The following SNTG1 variants were observed in gnomAD, a reference collection of about 807,000 sequenced individuals.
The protein encoded by SNTG1 is gamma-1-syntrophin.
A neutral mutation model predicts 74.7 loss-of-function variants in SNTG1; 39 were observed. The observed-to-expected ratio is 0.52, with a 90% CI of 0.40 to 0.68. SNTG1 has a LOEUF of 0.68. Among genes scored for constraint, SNTG1 ranks in the 30% least tolerant of loss-of-function variants. SNTG1 has a pLI of 0.00. For synonymous variants in SNTG1, 254 were observed against 217.1 expected (o/e 1.17, Z -1.49); for missense variants, 685 against 609.5 (o/e 1.12, Z -1.30).
chr8:50,606,121 A>G lies in SNTG1; in HGVS notation c.849+15204A>G, dbSNP rs147375089. ...GTTGTTGTGTCCTTGTTTTTATTCG[A>G]AGTAATTTTGTCTACTCTGGAATCT... is the stretch of plus-strand genomic sequence containing the variant. On this transcript the variant is annotated intron_variant, in intron 13 of 18. Coordinates refer to ENST00000642720, the MANE Select transcript of SNTG1 (RefSeq NM_018967.5). 4.8e-3 allele frequency among the ~76,000 whole-genome samples: 730 copies of G among 152,086 alleles called. 7 individuals are homozygous for G. The highest frequency in any genetic ancestry group is 0.017 in the African/African-American group (687 of 41,494).
chr8:50,156,497 ACTGATCAATATATGG>A (rs530702022), intron 1 of SNTG1, among the ~76,000 whole-genome samples: 15 of 152,082 alleles, frequency 9.9e-5, no homozygotes, highest in Non-Finnish European at 2.1e-4. Context: ...CAATATATGC[ACTGATCAATATATGG>A]CTGATATATA....
chr8:50,070,116 A>T (rs1821236106), intron 1 of SNTG1, among the ~76,000 whole-genome samples: 1 of 152,198 alleles, frequency 6.6e-6, no homozygotes, highest in African/African-American at 2.4e-5. Flanking sequence ...AATCATTACA[A>T]TAGTTAATAA....
At chr8:50,211,620 T>C (rs894066751) in intron 2 of SNTG1, among the ~76,000 whole-genome samples, 8 of 152,130 alleles carry the variant, frequency 5.3e-5, no homozygotes, top group Non-Finnish European at 8.8e-5. Context: ...TACTTCTCAA[T>C]TAAAACAATT....
At chr8:50,363,404 A>G (rs1200320490) in intron 2 of SNTG1, among the ~76,000 whole-genome samples, 2 of 152,164 alleles carry the variant, frequency 1.3e-5, no homozygotes, top group Non-Finnish European at 2.9e-5. Context: ...GAGCGGGGTT[A>G]GAGCCTGCAA....
rs553053471 is a variant in SNTG1 at position 50,172,931 on chromosome 8, C to T, written c.-28+296C>T. Among the ~76,000 whole-genome samples the T allele has an allele frequency of 4.0e-5, 6 of 150,478 alleles. No homozygotes were observed. In the South Asian group the frequency reaches 1.3e-3, roughly 32 times the overall value. ...ATTTGTGTTGTTTCTTTAATAAGCA[C>T]TATTTATAGGAATGAGAAAAATCAT... On this transcript the variant is annotated intron_variant, in intron 2 of 18. Coordinates refer to ENST00000642720, the MANE Select transcript of SNTG1 (RefSeq NM_018967.5).
chr8:50,475,898 C>T (rs188888103), intron 8 of SNTG1, among the ~76,000 whole-genome samples: 105 of 152,244 alleles, frequency 6.9e-4, no homozygotes, highest in Admixed American at 1.2e-3. Flanking sequence ...CCTCCTTACC[C>T]ATGGTCAACG....
intron 2 of SNTG1, among the ~76,000 whole-genome samples, chr8:50,256,785 CGTGTGTGTGT>C (rs66472803): frequency 6.6e-6 from 1 of 150,748 alleles, no homozygotes; most frequent in Non-Finnish European, 1.5e-5. Context: ...GGTGTGTGTG[CGTGTGTGTGT>C]GTGTGTGTCT....
intron 2 of SNTG1, among the ~76,000 whole-genome samples, chr8:50,373,710 A>G (rs1427210430): frequency 6.6e-6 from 1 of 152,210 alleles, no homozygotes; most frequent in Non-Finnish European, 1.5e-5. Flanking sequence ...ATATTTGAAG[A>G]TATCAATATA....
At chr8:50,570,989 G>A (rs78156393) in intron 12 of SNTG1, among the ~76,000 whole-genome samples, 5,777 of 151,992 alleles carry the variant, frequency 0.038, 190 homozygotes, top group African/African-American at 0.079. Flanking sequence ...GCGTACAAGC[G>A]TTCCCCTTTC....
intron 9 of SNTG1, among the ~76,000 whole-genome samples, chr8:50,519,132 A>G (rs2094158308): frequency 6.6e-6 from 1 of 152,218 alleles, no homozygotes; most frequent in South Asian, 2.1e-4. Context: ...CATCCCTGGG[A>G]TGCAAGCCTG....
intron 8 of SNTG1, among the ~76,000 whole-genome samples, chr8:50,470,566 TC>T (rs1244152623): frequency 6.6e-6 from 1 of 152,090 alleles, no homozygotes; most frequent in African/African-American, 2.4e-5. Context: ...TGTTTGTTCC[TC>T]CCGGTGGGTT....
Position 50,259,515 on chromosome 8 carries a change from AGAAAGAAAGAAAGAAAG to A in SNTG1, c.-28+86881_-28+86897del, listed in dbSNP as rs2087061399. Among the ~76,000 whole-genome samples the A allele has an allele frequency of 1.9e-3, 73 of 37,438 alleles. 9 individuals are homozygous for A. Among genetic ancestry groups the A allele is most frequent in the Middle Eastern group, 0.013 (1 of 76 alleles). 24.6% of individuals were successfully genotyped at this position (37,438 alleles called of 152,430 possible). On this transcript the variant is annotated intron_variant, in intron 2 of 18. Coordinates refer to ENST00000642720, the MANE Select transcript of SNTG1 (RefSeq NM_018967.5). ...CGCTGTCTCAAAAAAAAAAAAAGAA[AGAAAGAAAGAAAGAAAG>A]AAAGAAAGAAAGAAAGAAAGAAAGA...
chr8:50,263,001 TA>T (rs2130132261), intron 2 of SNTG1, among the ~76,000 whole-genome samples: 1 of 152,288 alleles, frequency 6.6e-6, no homozygotes, highest in African/African-American at 2.4e-5. Context: ...TGTTTAATAT[TA>T]AAATACTCCG....
chr8:50,613,811 T>C (rs2094867726), intron 13 of SNTG1, among the ~76,000 whole-genome samples: 1 of 152,170 alleles, frequency 6.6e-6, no homozygotes, highest in Non-Finnish European at 1.5e-5. Context: ...TTGTCTTCAT[T>C]ATAGGAACGA....
intron 13 of SNTG1, among the ~76,000 whole-genome samples, chr8:50,620,405 A>G (rs1249274566): frequency 1.3e-5 from 2 of 151,922 alleles, no homozygotes; most frequent in Non-Finnish European, 1.5e-5. Flanking sequence ...AGCAGCACAA[A>G]CTCCTTCATC....
At chr8:50,501,335 T>TCCA in intron 8 of SNTG1, among the ~76,000 whole-genome samples, 1 of 151,862 alleles carries the variant, frequency 6.6e-6, no homozygotes. Context: ...CCTTCTGTCT[T>TCCA]TCAGAGTTCT....
intron 1 of SNTG1, among the ~76,000 whole-genome samples, chr8:50,131,340 A>T (rs1168499585): frequency 6.6e-6 from 1 of 152,132 alleles, no homozygotes; most frequent in Admixed American, 6.6e-5. Flanking sequence ...TAATTGAAAA[A>T]TAAAAATTGT....
At chr8:50,617,899 C>T (rs2094896134) in intron 13 of SNTG1, among the ~76,000 whole-genome samples, 1 of 152,158 alleles carries the variant, frequency 6.6e-6, no homozygotes, top group South Asian at 2.1e-4. Flanking sequence ...GGGCTGTCTG[C>T]TTGTGGATTT....
chr8:50,627,147 G>C (rs1041303761), intron 13 of SNTG1, among the ~76,000 whole-genome samples: 2 of 151,922 alleles, frequency 1.3e-5, no homozygotes, highest in Admixed American at 6.6e-5. Context: ...CCATTTCCAG[G>C]CATGACTGCC....
Sources: allele counts gnomAD v4.1 joint callset (sites outside exome capture counted in the v4.1 genomes callset), GRCh38; gene constraint gnomAD v4.1.1; transcripts MANE v1.5; gene names NCBI Gene and HGNC (gene_info 2026-07-23, HGNC 2026-07-21).